Variants in TMEFF1 observed in about 807,000 individuals in gnomAD.
TMEFF1 encodes the protein tomoregulin-1.
A neutral mutation model predicts 47.5 loss-of-function variants in TMEFF1; 20 were observed. That is an observed-to-expected ratio of 0.42 (90% CI 0.30 to 0.61). The LOEUF is 0.61. TMEFF1 is among the 20% of genes least tolerant of loss of function. The pLI is 0.19. For missense variants in TMEFF1, 411 were observed against 471.1 expected, an observed-to-expected ratio of 0.87 and a Z score of 1.18; for synonymous variants, 162 against 166.3, an observed-to-expected ratio of 0.97 and a Z score of 0.20.
At chr9:100,575,242 A>G (rs1346712997) in intron 9 of TMEFF1, among the ~76,000 whole-genome samples, 1 of 152,110 alleles carries the variant, frequency 6.6e-6, no homozygotes, top group Non-Finnish European at 1.5e-5. Context: ...GGATGTTCCC[A>G]CTGACCTGTT....
At chr9:100,570,507 C>A (rs1345682994) in intron 8 of TMEFF1, among the ~76,000 whole-genome samples, 2 of 152,050 alleles carry the variant, frequency 1.3e-5, no homozygotes, top group African/African-American at 4.8e-5. Flanking sequence ...TGTGGATATC[C>A]AGTTAGCACC....
chr9:100,495,206 A>G (rs1199702494), intron 1 of TMEFF1, among the ~76,000 whole-genome samples: 3 of 152,194 alleles, frequency 2.0e-5, no homozygotes, highest in African/African-American at 7.2e-5. Context: ...CTCTGCTTTC[A>G]CTTACATTGT....
intron 5 of TMEFF1, among the ~76,000 whole-genome samples, chr9:100,532,580 A>C (rs1490802841): frequency 2.6e-5 from 4 of 152,000 alleles, no homozygotes. Flanking sequence ...TTAAAAAGTC[A>C]GGAAACAACA....
At chr9:100,480,411 C>T (rs1458469702) in intron 1 of TMEFF1, among the ~76,000 whole-genome samples, 1 of 151,944 alleles carries the variant, frequency 6.6e-6, no homozygotes, top group African/African-American at 2.4e-5. Flanking sequence ...TTACTCAAAT[C>T]GATGAAATAT....
chr9:100,545,598 A>T lies in TMEFF1; in HGVS notation c.561-2146A>T, dbSNP rs1407564914. Reference sequence around the variant, plus strand: ...TTTCCCCATTGTTTTGGGGATTAACATTCGACTGCTTGTAACTTATGCAAA... The same window carrying T: ...TTTCCCCATTGTTTTGGGGATTAACTTTCGACTGCTTGTAACTTATGCAAA... On this transcript the variant is annotated intron_variant, in intron 5 of 9. Coordinates refer to ENST00000374879, the MANE Select transcript of TMEFF1 (RefSeq NM_003692.5). Among the ~76,000 whole-genome samples, 3 of 152,240 alleles carry T rather than the reference A, an allele frequency of 2.0e-5. No homozygotes were observed. The East Asian group carries it at 5.8e-4, about 29-fold the overall frequency.
chr9:100,539,714 A>G (rs1293766605), intron 5 of TMEFF1, among the ~76,000 whole-genome samples: 1 of 152,180 alleles, frequency 6.6e-6, no homozygotes, highest in Admixed American at 6.5e-5. Context: ...AAGCTTCCAC[A>G]GCGTGGAAGG....
At chr9:100,501,167 C>T (rs545659769) in intron 2 of TMEFF1, among the ~76,000 whole-genome samples, 9 of 152,186 alleles carry the variant, frequency 5.9e-5, no homozygotes, top group Admixed American at 2.6e-4. Flanking sequence ...TGGGGAAGAC[C>T]GGGGCTGTTC....
chr9:100,565,411 C>G (rs1282100123), intron 8 of TMEFF1, among the ~76,000 whole-genome samples: 1 of 152,186 alleles, frequency 6.6e-6, no homozygotes, highest in Non-Finnish European at 1.5e-5. Context: ...CCTGGTTCCT[C>G]CCAGCTCTCC....
intron 1 of TMEFF1, among the ~76,000 whole-genome samples, chr9:100,482,198 TC>T (rs1837355092): frequency 4.0e-5 from 6 of 151,732 alleles, no homozygotes; most frequent in Admixed American, 6.6e-5. Flanking sequence ...TTTCTTTCTT[TC>T]TTTTCTTTTT....
intron 2 of TMEFF1, among the ~76,000 whole-genome samples, chr9:100,501,870 C>T (rs1027938749): frequency 6.6e-6 from 1 of 152,182 alleles, no homozygotes; most frequent in African/African-American, 2.4e-5. Flanking sequence ...GTCTCGAACT[C>T]TTGACCTCGT....
At chr9:100,547,066 A>G (rs945574865) in intron 5 of TMEFF1, among the ~76,000 whole-genome samples, 12 of 152,222 alleles carry the variant, frequency 7.9e-5, no homozygotes, top group African/African-American at 2.4e-4. Flanking sequence ...CCCAGGCTGG[A>G]GTACAGTGGT....
chr9:100,527,513 G>A (rs1027096199), intron 5 of TMEFF1, among the ~76,000 whole-genome samples: 4 of 152,178 alleles, frequency 2.6e-5, no homozygotes, highest in Non-Finnish European at 5.9e-5. Context: ...ACTCCCACCC[G>A]AATACTGCGC....
chr9:100,559,165 C>CCAAATAGCA (rs1316750850), intron 7 of TMEFF1, among the ~76,000 whole-genome samples: 7 of 152,020 alleles, frequency 4.6e-5, no homozygotes, highest in Non-Finnish European at 1.0e-4. Flanking sequence ...CTTAAAAAAC[C>CCAAATAGCA]CAAATAGCAA....
At chr9:100,552,591 A>T (rs1838844573) in intron 7 of TMEFF1, among the ~76,000 whole-genome samples, 1 of 152,242 alleles carries the variant, frequency 6.6e-6, no homozygotes, top group African/African-American at 2.4e-5. Flanking sequence ...AACTGAAGCC[A>T]CAAGAATGAA....
In TMEFF1 at chr9:100,559,783, T is replaced by C. The variant is rs535592904; in HGVS notation, c.776-1614T>C. 2.0e-5 allele frequency among the ~76,000 whole-genome samples: 3 copies of C among 152,244 alleles called. No individual in the cohort carries two copies. In the East Asian group the frequency reaches 5.8e-4, roughly 29 times the overall value. On this transcript the variant is annotated intron_variant, in intron 7 of 9. Transcript: ENST00000374879. ...CAAAGCAGTAAAGACATTTTTTAAA[T>C]TGAGAATTTATATGTTAGGTTCCCT...
chr9:100,531,653 C>T (rs1587840704), intron 5 of TMEFF1, among the ~76,000 whole-genome samples: 2 of 151,954 alleles, frequency 1.3e-5, no homozygotes, highest in East Asian at 1.9e-4. Context: ...GTGAAAATGG[C>T]CATACTGCCC....
chr9:100,484,054 T>A (rs1587813854), intron 1 of TMEFF1, among the ~76,000 whole-genome samples: 3 of 152,192 alleles, frequency 2.0e-5, no homozygotes, highest in African/African-American at 7.2e-5. Context: ...TAGAGTAGAT[T>A]TCAAGTATCT....
chr9:100,558,088 T>G (rs1838949802), intron 7 of TMEFF1, among the ~76,000 whole-genome samples: 1 of 152,204 alleles, frequency 6.6e-6, no homozygotes. Context: ...ACTTTTCTTA[T>G]TAATTTCTCA....
chr9:100,544,206 C>T (rs1838691117), intron 5 of TMEFF1, among the ~76,000 whole-genome samples: 1 of 151,814 alleles, frequency 6.6e-6, no homozygotes, highest in African/African-American at 2.4e-5. Context: ...TATTTGTCTC[C>T]TGTTCCCAGA....
Sources: gnomAD v4.1 joint callset for allele counts (sites outside exome capture counted in the v4.1 genomes callset) on GRCh38, gnomAD v4.1.1 for gene constraint, MANE v1.5 for transcripts, NCBI Gene and HGNC (gene_info 2026-07-23, HGNC 2026-07-21) for gene names.